Variants in ZFYVE28 observed in about 807,000 individuals in gnomAD.
ZFYVE28 encodes the protein zinc finger FYVE-type containing 28, also known as lateral signaling target protein 2 homolog.
In ZFYVE28, 40 loss-of-function variants were observed where a neutral mutation model predicts 82.1. The observed-to-expected ratio is 0.49, with a 90% CI of 0.38 to 0.63. ZFYVE28 has a LOEUF of 0.63. ZFYVE28 is among the 30% of genes least tolerant of loss of function. ZFYVE28 has a pLI of 0.00. For synonymous variants in ZFYVE28, 612 were observed against 546.1 expected (o/e 1.12, Z -1.68); for missense variants, 1,321 against 1,242.1 (o/e 1.06, Z -0.96).
intron 2 of ZFYVE28, chr4:2,342,953 C>A (rs947993357): frequency 6.6e-6 from 1 of 152,196 alleles, no homozygotes; most frequent in African/African-American, 2.4e-5. Flanking sequence ...AACGTTGAGA[C>A]GATCCATGTA....
In ZFYVE28 at chr4:2,372,244, G is replaced by A. The variant is rs373834479; in HGVS notation, c.40-18171C>T. Among the ~76,000 whole-genome samples the A allele has an allele frequency of 1.3e-5, 2 of 152,138 alleles. No homozygotes were observed. Among genetic ancestry groups the A allele is most frequent in the African/African-American group, 2.4e-5 (1 of 41,406 alleles). On this transcript the variant is annotated intron_variant, in intron 1 of 12. Coordinates refer to ENST00000290974, the MANE Select transcript of ZFYVE28 (RefSeq NM_020972.3). The surrounding 1 kb of genome is among the most constrained non-coding windows in gnomAD (Gnocchi z 5.2). ...GTTTCCATCCTAGAAGGATGGTGGC[G>A]GGGCTGAGTCTGGTTCCGAGAAGGA... is the stretch of plus-strand genomic sequence containing the variant.
At chr4:2,412,907 C>T (rs1560362053) in intron 1 of ZFYVE28, among the ~76,000 whole-genome samples, 1 of 152,152 alleles carries the variant, frequency 6.6e-6, no homozygotes, top group Non-Finnish European at 1.5e-5. Flanking sequence ...GCCCTGCTTC[C>T]CTCCCCCGTC....
In ZFYVE28 at chr4:2,313,927, T is replaced by C. The variant is rs1202069516; in HGVS notation, c.803+6243A>G. On this transcript the variant is annotated intron_variant, in intron 7 of 12. Coordinates refer to ENST00000290974, the MANE Select transcript of ZFYVE28 (RefSeq NM_020972.3). ...ACACATGTAAGTCAGGTCAAGTTTA[T>C]TAGTTTTGTTATTGAGATTTCTTAC... Among the ~76,000 whole-genome samples the C allele has an allele frequency of 3.3e-5, 5 of 152,220 alleles. No individual in the cohort carries two copies. In the South Asian group the frequency reaches 8.3e-4, roughly 25 times the overall value.
intron 6 of ZFYVE28, among the ~76,000 whole-genome samples, chr4:2,322,334 G>C (rs190686690): frequency 6.6e-6 from 1 of 152,328 alleles, no homozygotes; most frequent in East Asian, 1.9e-4. Context: ...TGCCAGAAAC[G>C]GTGGGTCCAA....
At chr4:2,402,909 G>A (rs1731352033) in intron 1 of ZFYVE28, among the ~76,000 whole-genome samples, 1 of 152,100 alleles carries the variant, frequency 6.6e-6, no homozygotes, top group South Asian at 2.1e-4. Context: ...TCAGGACCCG[G>A]TCAGCTAACA....
At chr4:2,343,869 G>A (rs1027607254) in intron 2 of ZFYVE28, among the ~76,000 whole-genome samples, 8 of 152,204 alleles carry the variant, frequency 5.3e-5, no homozygotes, top group Admixed American at 3.9e-4. Context: ...AGGGTCTTCT[G>A]TTATTCACGA....
At chr4:2,404,104 A>G (rs1171733596) in intron 1 of ZFYVE28, among the ~76,000 whole-genome samples, 6 of 151,978 alleles carry the variant, frequency 3.9e-5, no homozygotes, top group Non-Finnish European at 7.4e-5. Context: ...GCGGATCACG[A>G]GGTCAGGAGA....
chr4:2,342,582 TTAA>T (rs1722981980), intron 2 of ZFYVE28: 1 of 152,228 alleles, frequency 6.6e-6, no homozygotes, highest in Non-Finnish European at 1.5e-5. Flanking sequence ...TAAAGACTCT[TTAA>T]AATTATTTTA....
chr4:2,336,568 C>T (rs541083383), intron 5 of ZFYVE28, among the ~76,000 whole-genome samples: 2 of 152,172 alleles, frequency 1.3e-5, no homozygotes, highest in Admixed American at 6.6e-5. Context: ...CCCTGCCCCC[C>T]CCACTCCCTA....
rs1444667515 is a variant in ZFYVE28 at position 2,273,242 on chromosome 4, T to C, written c.2254A>G (p.Ile752Val). 6.2e-7 allele frequency: 1 copy of C among 1,613,742 alleles called. No homozygotes were observed. Among genetic ancestry groups the C allele is most frequent in the Admixed American group, 1.7e-5 (1 of 60,006 alleles). The change falls in exon 10 of 13, where the codon ATT becomes GTT. Residue 752 changes from isoleucine to valine, a missense_variant. Ile to Val is a conservative substitution (Grantham distance 29, BLOSUM62 3). This residue lies in a region of ZFYVE28 where 978 missense variants were observed against 833.7 expected (regional missense o/e 1.17). Coordinates refer to ENST00000290974, the MANE Select transcript of ZFYVE28 (RefSeq NM_020972.3). ...ATGACCTCAAACAGTGTTTTAAGAA[T>C]ACTTCTCAGGTCACTGGCATAGTTC... ...QTNYASDLRSILKTLFEVMAT... is the reference protein window; with the variant it reads ...QTNYASDLRSVLKTLFEVMAT...
At chr4:2,270,971 T>G (rs1310189124) in intron 12 of ZFYVE28, 115 bp from the exon 13 acceptor site, 38 of 1,447,302 alleles carry the variant, frequency 2.6e-5, no homozygotes, top group Non-Finnish European at 3.3e-5. Context: ...GGGTGGGGAC[T>G]GCCCAGCCCC....
chr4:2,293,940 T>G (rs1577937929), intron 8 of ZFYVE28, among the ~76,000 whole-genome samples: 1 of 152,088 alleles, frequency 6.6e-6, no homozygotes, highest in East Asian at 1.9e-4. Flanking sequence ...CCATAAAACT[T>G]TGCTGAGATA....
rs79639093 is a variant in ZFYVE28 at position 2,280,626 on chromosome 4, G to C, written c.2052-6410C>G. Among the ~76,000 whole-genome samples, 1,407 of 152,348 alleles carry C rather than the reference G, an allele frequency of 9.2e-3. 22 individuals carry two copies. Among genetic ancestry groups the C allele is most frequent in the African/African-American group, 0.032 (1,343 of 41,562 alleles). On this transcript the variant is annotated intron_variant, in intron 8 of 12. Transcript: ENST00000290974. ...AATCTTACACTTACTTGAGTAGTAA[G>C]ATTACAGGTAAATTATCATTTTCTA...
intron 1 of ZFYVE28, among the ~76,000 whole-genome samples, chr4:2,377,301 G>A (rs796413776): frequency 1.1e-5 from 1 of 90,926 alleles, no homozygotes; most frequent in Non-Finnish European, 2.3e-5. Flanking sequence ...AATTACAGGC[G>A]TTGAGCCACT....
chr4:2,407,628 T>C (rs1578417284), intron 1 of ZFYVE28, among the ~76,000 whole-genome samples: 1 of 152,130 alleles, frequency 6.6e-6, no homozygotes, highest in South Asian at 2.1e-4. Context: ...GCTCCCACAA[T>C]TGCACAGGCT....
intron 1 of ZFYVE28, among the ~76,000 whole-genome samples, chr4:2,376,371 T>TAAAA (rs55652132): frequency 5.3e-5 from 4 of 75,746 alleles, no homozygotes; most frequent in African/African-American, 2.2e-4. Context: ...ACCCTATCTC[T>TAAAA]AAAAAAAAAA....
intron 1 of ZFYVE28, among the ~76,000 whole-genome samples, chr4:2,385,704 A>G (rs60763468): frequency 0.058 from 8,759 of 152,210 alleles, 746 homozygotes; most frequent in African/African-American, 0.18. Context: ...TCTTCAGGAC[A>G]GCACGGGGCA....
rs767717899 is a variant in ZFYVE28, at chr4:2,418,236, G to A, written c.39+49C>T. The A allele has an allele frequency of 1.3e-4, 197 of 1,523,430 alleles. 2 individuals are homozygous for A. The Middle Eastern group carries it at 4.6e-3, about 35-fold the overall frequency. The allele number at this position is 1,523,430 out of a possible 1,614,324, so 94.4% of individuals were successfully genotyped here. On this transcript the variant is annotated intron_variant, in intron 1 of 12. Transcript: ENST00000290974. This position sits in a 1 kb window ranked among gnomAD's most constrained non-coding sequence, Gnocchi z 4.6. ...AGGGCGGACGGGCGGTCCTGGGGAA[G>A]GGAGAGGCCGCGACGCGGGGGGCGT... is the stretch of plus-strand genomic sequence containing the variant.
intron 1 of ZFYVE28, among the ~76,000 whole-genome samples, chr4:2,389,955 T>C (rs1729659090): frequency 6.6e-6 from 1 of 152,126 alleles, no homozygotes; most frequent in African/African-American, 2.4e-5. Context: ...CCTCCCTTCC[T>C]CCCGCCCACC....
Sources: allele counts gnomAD v4.1 joint callset (sites outside exome capture counted in the v4.1 genomes callset), GRCh38; gene constraint gnomAD v4.1.1; regional missense constraint gnomAD v4.1.1; non-coding constraint Gnocchi (gnomAD v3.1); transcripts MANE v1.5; gene names NCBI Gene and HGNC (gene_info 2026-07-23, HGNC 2026-07-21).